The following MAP4K4 variants were observed in gnomAD, a reference collection of about 807,000 sequenced individuals.
The protein encoded by MAP4K4 is HPK/GCK-like kinase HGK.
MAP4K4 carries 38 observed loss-of-function variants against 189.6 expected under a neutral mutation model. That is an observed-to-expected ratio of 0.20 (90% CI 0.15 to 0.26). The LOEUF (loss-of-function observed/expected upper bound fraction) is 0.26, where lower values mean the gene tolerates loss of function less well. Among genes scored for constraint, MAP4K4 ranks in the 10% least tolerant of loss-of-function variants. The pLI is 1.00. For synonymous variants in MAP4K4, 610 were observed against 624.3 expected, an observed-to-expected ratio of 0.98 and a Z score of 0.34; for missense variants, 1,054 against 1,726.9, an observed-to-expected ratio of 0.61 and a Z score of 6.91.
At chr2:101,726,002 G>T (rs962450720) in intron 2 of MAP4K4, among the ~76,000 whole-genome samples, 1 of 151,176 alleles carries the variant, frequency 6.6e-6, no homozygotes, top group Non-Finnish European at 1.5e-5. Flanking sequence ...TGCATATCTA[G>T]TGCCCCCTGT....
chr2:101,797,338 G>A, intron 3 of MAP4K4: 1 of 1,290,788 alleles, frequency 7.7e-7, no homozygotes, highest in Non-Finnish European at 1.0e-6. Context: ...CCTGTGCTTT[G>A]CATGACTCTG....
At chr2:101,868,179 C>A in intron 21 of MAP4K4, 142 bp downstream of exon 21, 1 of 868,192 alleles carries the variant, frequency 1.2e-6, no homozygotes. Flanking sequence ...TCAAACTTTA[C>A]TCCAGTTTTC....
chr2:101,846,479 A>G (rs938908790), intron 12 of MAP4K4, among the ~76,000 whole-genome samples: 4 of 152,178 alleles, frequency 2.6e-5, no homozygotes, highest in African/African-American at 9.7e-5. Context: ...CAGGCACTGG[A>G]AATGTCTTTC....
chr2:101,706,500 T>C (rs911246511), intron 2 of MAP4K4, among the ~76,000 whole-genome samples: 4 of 152,232 alleles, frequency 2.6e-5, no homozygotes, highest in African/African-American at 9.6e-5. Context: ...TTTGCTTAGT[T>C]TTCTTTGTAC....
At chr2:101,849,594 T>A (rs2097214731) in intron 12 of MAP4K4, among the ~76,000 whole-genome samples, 1 of 147,970 alleles carries the variant, frequency 6.8e-6, no homozygotes, top group Admixed American at 7.0e-5. Flanking sequence ...TACTTAATTG[T>A]GGTGTCATTT....
intron 13 of MAP4K4, among the ~76,000 whole-genome samples, chr2:101,857,242 T>A (rs73945504): frequency 0.011 from 1,698 of 149,856 alleles, 33 homozygotes; most frequent in African/African-American, 0.038. Context: ...GCACCACTTT[T>A]AAAAAAAAAA....
chr2:101,825,749 A>G (rs2096323293), intron 5 of MAP4K4, among the ~76,000 whole-genome samples: 2 of 152,226 alleles, frequency 1.3e-5, no homozygotes. Context: ...AATAATCTCC[A>G]ACTATTGTTT....
intron 12 of MAP4K4, among the ~76,000 whole-genome samples, chr2:101,852,471 G>A (rs546068772): frequency 3.3e-5 from 5 of 152,162 alleles, no homozygotes; most frequent in African/African-American, 9.6e-5. Flanking sequence ...CTTTCAAGAC[G>A]TTTGGAGTCT....
chr2:101,752,012 G>A lies in MAP4K4; in HGVS notation c.124-38708G>A, dbSNP rs926422780. On this transcript the variant is annotated intron_variant, in intron 2 of 32. Transcript: ENST00000324219. ...TGAGCATTCTGATCCTCATAGAGCA[G>A]GTGACCTCTGTGTTTGTAGGGTGAG... Among the ~76,000 whole-genome samples, 5 of 152,302 alleles carry A rather than the reference G, an allele frequency of 3.3e-5. No homozygotes were observed. In the East Asian group the frequency reaches 7.7e-4, roughly 24 times the overall value.
chr2:101,831,527 T>A (rs1047208475), intron 6 of MAP4K4, among the ~76,000 whole-genome samples, 194 bp from the exon 7 acceptor site: 4 of 151,982 alleles, frequency 2.6e-5, no homozygotes, highest in African/African-American at 9.7e-5. Flanking sequence ...GTAGAGGATC[T>A]CACAGTCTCG....
At chr2:101,859,988 T>G (rs372837207) in intron 15 of MAP4K4, 124 bp downstream of exon 15, 1 of 1,008,950 alleles carries the variant, frequency 9.9e-7, no homozygotes, top group Non-Finnish European at 1.5e-6. Context: ...TTTCTTCATT[T>G]TCTAACTAGG....
chr2:101,854,060 G>A (rs2097368089), intron 12 of MAP4K4, among the ~76,000 whole-genome samples: 1 of 152,172 alleles, frequency 6.6e-6, no homozygotes, highest in South Asian at 2.1e-4. Context: ...GCTGGAGGAT[G>A]TGTTCCAGCA....
At chr2:101,889,058 C>T (rs975470806) in intron 32 of MAP4K4, 123 bp downstream of exon 32, 6 of 973,932 alleles carry the variant, frequency 6.2e-6, no homozygotes, top group Non-Finnish European at 8.8e-6. Flanking sequence ...ACTTTTTAAA[C>T]GTTGCTTTTT....
chr2:101,783,798 G>A (rs1431283162), intron 2 of MAP4K4, among the ~76,000 whole-genome samples: 3 of 152,106 alleles, frequency 2.0e-5, no homozygotes, highest in Non-Finnish European at 4.4e-5. Flanking sequence ...GCAGGTACAC[G>A]TCACACCACC....
At chr2:101,756,002 G>T (rs2072519123) in intron 2 of MAP4K4, among the ~76,000 whole-genome samples, 1 of 139,168 alleles carries the variant, frequency 7.2e-6, no homozygotes, top group Non-Finnish European at 1.5e-5. Flanking sequence ...GTGCAGTGGT[G>T]CGATGTCGGC....
At chr2:101,884,333 C>G (rs550766530) in intron 28 of MAP4K4, among the ~76,000 whole-genome samples, 1 of 152,162 alleles carries the variant, frequency 6.6e-6, no homozygotes, top group Non-Finnish European at 1.5e-5. Flanking sequence ...AATACAGATA[C>G]GGAGAGTTTC....
At chr2:101,775,309 A>T (rs533438242) in intron 2 of MAP4K4, among the ~76,000 whole-genome samples, 45 of 151,660 alleles carry the variant, frequency 3.0e-4, no homozygotes, top group African/African-American at 1.1e-3. Flanking sequence ...CTCTTAGGTC[A>T]TATTTAGCCT....
At chr2:101,826,663 G>A (rs1051829815) in intron 5 of MAP4K4, among the ~76,000 whole-genome samples, 3 of 152,148 alleles carry the variant, frequency 2.0e-5, no homozygotes, top group African/African-American at 7.2e-5. Flanking sequence ...TTGGAGACTA[G>A]CATAAGTCAG....
At chr2:101,757,785 C>A (rs963886051) in intron 2 of MAP4K4, among the ~76,000 whole-genome samples, 1 of 152,098 alleles carries the variant, frequency 6.6e-6, no homozygotes, top group African/African-American at 2.4e-5. Context: ...TTTGGGAGGC[C>A]GAGGCGAGTG....
Sources: gnomAD v4.1 joint callset for allele counts (sites outside exome capture counted in the v4.1 genomes callset) on GRCh38, gnomAD v4.1.1 for gene constraint, MANE v1.5 for transcripts, NCBI Gene and HGNC (gene_info 2026-07-23, HGNC 2026-07-21) for gene names.